THSD7A: variants seen among roughly 807,000 people sequenced by gnomAD.
The protein encoded by THSD7A is thrombospondin type 1 domain containing 7A, also known as thrombospondin type-1 domain-containing protein 7A.
Under a neutral mutation model 231.3 loss-of-function variants are expected in THSD7A, and 96 were observed. The observed-to-expected ratio is 0.41, with a 90% CI of 0.35 to 0.49. THSD7A has a LOEUF of 0.49. Ranked by LOEUF, THSD7A falls within the 20% of genes least tolerant of loss-of-function variation. The pLI, the probability that THSD7A is intolerant of heterozygous loss-of-function variation, is 0.05. For synonymous variants in THSD7A, 940 were observed against 743.3 expected (o/e 1.26, Z -4.30); for missense variants, 2,290 against 2,070.2 (o/e 1.11, Z -2.06).
intron 7 of THSD7A, among the ~76,000 whole-genome samples, chr7:11,478,046 T>C (rs1786266948): frequency 6.6e-6 from 1 of 152,138 alleles, no homozygotes; most frequent in South Asian, 2.1e-4. Flanking sequence ...TATTTGCAAC[T>C]CTCTTCTCCA....
chr7:11,596,517 T>G (rs759444925), intron 2 of THSD7A, among the ~76,000 whole-genome samples: 3 of 152,116 alleles, frequency 2.0e-5, no homozygotes, highest in African/African-American at 7.2e-5. Flanking sequence ...GCTCCCTGAC[T>G]GGTAGGGTGA....
At chr7:11,791,917 T>A (rs1377725522) in intron 1 of THSD7A, among the ~76,000 whole-genome samples, 1 of 151,948 alleles carries the variant, frequency 6.6e-6, no homozygotes, top group Non-Finnish European at 1.5e-5. Context: ...CACAGGGGCT[T>A]TTTTACTAAT....
intron 4 of THSD7A, among the ~76,000 whole-genome samples, chr7:11,545,768 G>A (rs1789353757): frequency 6.6e-6 from 1 of 152,136 alleles, no homozygotes; most frequent in African/African-American, 2.4e-5. Context: ...AGTTATCAGG[G>A]GCAGGTCTCT....
At chr7:11,517,426 T>TAA (rs35838306) in intron 6 of THSD7A, among the ~76,000 whole-genome samples, 13,233 of 149,206 alleles carry the variant, frequency 0.089, 743 homozygotes, top group African/African-American at 0.15. Context: ...TTTAAAGAGT[T>TAA]AAAAAAAAAA....
At chr7:11,667,005 A>G (rs1227359102) in intron 1 of THSD7A, among the ~76,000 whole-genome samples, 1 of 152,112 alleles carries the variant, frequency 6.6e-6, no homozygotes, top group East Asian at 1.9e-4. Context: ...ACAGATATTA[A>G]TTTGTTTAGG....
rs1320276067 is a variant in THSD7A, at chr7:11,406,194, A to T, written c.4237+106T>A. The T allele has an allele frequency of 5.2e-6, 6 of 1,157,310 alleles. No individual in the cohort carries two copies. In the East Asian group the frequency reaches 1.4e-4, roughly 28 times the overall value. The allele number at this position is 1,157,310 out of a possible 1,614,324, so 71.7% of individuals were successfully genotyped here. A position where few individuals can be genotyped will look rare whatever the true frequency, so the allele number is the denominator to read the frequency against. Reference sequence around the variant, plus strand: ...CTGTTGGCATAGATATTACTGAATAAGAAGACTGTTGACATCCTGTAACTT... The same window carrying T: ...CTGTTGGCATAGATATTACTGAATATGAAGACTGTTGACATCCTGTAACTT... On this transcript the variant is annotated intron_variant, in intron 22 of 27. Coordinates refer to ENST00000423059, the MANE Select transcript of THSD7A (RefSeq NM_015204.3). The surrounding 1 kb of genome is among the most constrained non-coding windows in gnomAD (Gnocchi z 4.7).
chr7:11,678,984 A>T (rs1392401443), intron 1 of THSD7A, among the ~76,000 whole-genome samples: 1 of 152,226 alleles, frequency 6.6e-6, no homozygotes, highest in Non-Finnish European at 1.5e-5. Context: ...GAAGCACATT[A>T]AAAAGCTTAT....
At chr7:11,676,515 C>G (rs766062466) in intron 1 of THSD7A, among the ~76,000 whole-genome samples, 7 of 152,050 alleles carry the variant, frequency 4.6e-5, no homozygotes, top group Non-Finnish European at 1.0e-4. Flanking sequence ...AGGCTAAGAA[C>G]CTTGATAAAA....
At chr7:11,378,598 G>C (rs1782375599) in intron 26 of THSD7A, 1 of 160,296 alleles carries the variant, frequency 6.2e-6, no homozygotes, top group African/African-American at 2.4e-5. Context: ...AGGGCTAATA[G>C]AAACTGGTCT....
intron 2 of THSD7A, among the ~76,000 whole-genome samples, chr7:11,621,320 G>A (rs1028104820): frequency 2.0e-5 from 3 of 152,030 alleles, no homozygotes; most frequent in Admixed American, 6.6e-5. Context: ...TCCCAGTCAC[G>A]ACATATCATC....
intron 1 of THSD7A, among the ~76,000 whole-genome samples, chr7:11,820,027 C>A (rs1200212385): frequency 1.3e-5 from 2 of 151,892 alleles, no homozygotes; most frequent in Admixed American, 6.5e-5. Context: ...TCCCACCCTA[C>A]CCCTGCCCCC....
At chr7:11,827,738 A>G (rs554220786) in intron 1 of THSD7A, among the ~76,000 whole-genome samples, 1 of 152,160 alleles carries the variant, frequency 6.6e-6, no homozygotes, top group Non-Finnish European at 1.5e-5. Context: ...AAACTGAGTC[A>G]CCCATTCACT....
chr7:11,560,935 A>G (rs1394775237), intron 4 of THSD7A, among the ~76,000 whole-genome samples: 1 of 152,204 alleles, frequency 6.6e-6, no homozygotes, highest in Non-Finnish European at 1.5e-5. Context: ...TGTTTGCTAC[A>G]TGCCAGGAAA....
intron 1 of THSD7A, among the ~76,000 whole-genome samples, chr7:11,646,431 T>C (rs1232833826): frequency 6.6e-6 from 1 of 152,076 alleles, no homozygotes; most frequent in East Asian, 1.9e-4. Context: ...CAGAGGCTGC[T>C]TTAGAGAATG....
chr7:11,549,160 A>G (rs572651176), intron 4 of THSD7A, among the ~76,000 whole-genome samples: 24 of 152,368 alleles, frequency 1.6e-4, no homozygotes, highest in African/African-American at 5.5e-4. Context: ...ATCACTGATC[A>G]TTAGAGAAAC....
At chr7:11,645,225 T>G (rs1033278738) in intron 1 of THSD7A, among the ~76,000 whole-genome samples, 12 of 151,912 alleles carry the variant, frequency 7.9e-5, no homozygotes, top group African/African-American at 2.4e-4. Context: ...CTGTAAATTA[T>G]TTATTTAATT....
intron 1 of THSD7A, among the ~76,000 whole-genome samples, chr7:11,805,578 T>C (rs1784378649): frequency 1.3e-5 from 2 of 152,142 alleles, no homozygotes; most frequent in Admixed American, 6.5e-5. Flanking sequence ...AAGAATATAA[T>C]TTCCTTATAT....
intron 6 of THSD7A, among the ~76,000 whole-genome samples, chr7:11,517,826 GC>G (rs1414207745): frequency 6.6e-6 from 1 of 152,192 alleles, no homozygotes; most frequent in African/African-American, 2.4e-5. Context: ...AGAATCAGGT[GC>G]CTTTGAGAAA....
intron 1 of THSD7A, among the ~76,000 whole-genome samples, chr7:11,801,300 C>G (rs994830431): frequency 7.9e-5 from 12 of 152,076 alleles, no homozygotes; most frequent in Non-Finnish European, 1.5e-4. Context: ...TCCTTTCTTC[C>G]TGTCTTTCTC....
Sources: gnomAD v4.1 joint callset for allele counts (sites outside exome capture counted in the v4.1 genomes callset) on GRCh38, gnomAD v4.1.1 for gene constraint, Gnocchi (gnomAD v3.1) non-coding constraint, MANE v1.5 for transcripts, NCBI Gene and HGNC (gene_info 2026-07-23, HGNC 2026-07-21) for gene names.